UNC80: variants seen among roughly 807,000 people sequenced by gnomAD.
The protein encoded by UNC80 is unc-80 subunit of NALCN channel complex.
A neutral mutation model predicts 384.6 loss-of-function variants in UNC80; 164 were observed. That is an observed-to-expected ratio of 0.43 (90% confidence interval 0.38 to 0.49). UNC80 has a LOEUF of 0.49. Among genes scored for constraint, UNC80 ranks in the 20% least tolerant of loss-of-function variants. UNC80 has a pLI of 0.00. For synonymous variants in UNC80, 1,486 were observed against 1,527.8 expected (o/e 0.97, Z 0.64); for missense variants, 3,330 against 4,143.0 (o/e 0.80, Z 5.39).
At chr2:209,931,184 G>A (rs1575057318) in intron 38 of UNC80, 130 bp downstream of exon 38, 1 of 602,010 alleles carries the variant, frequency 1.7e-6, no homozygotes, top group Non-Finnish European at 2.8e-6. Context: ...ATTCTGTGTA[G>A]GGAAGCCCCT....
At chr2:209,833,277 A>C (rs1462264501) in intron 16 of UNC80, among the ~76,000 whole-genome samples, 1 of 53,058 alleles carries the variant, frequency 1.9e-5, no homozygotes, top group East Asian at 3.3e-4. Context: ...TTCCTAAGGC[A>C]AAAAAAAAAA....
At chr2:209,926,132 C>T (rs1433665668) in intron 35 of UNC80, among the ~76,000 whole-genome samples, 1 of 152,132 alleles carries the variant, frequency 6.6e-6, no homozygotes, top group African/African-American at 2.4e-5. Flanking sequence ...TCATTCTTAT[C>T]CTAAATGCAT....
At chr2:209,972,714 TTTTCATTACTC>T (rs1553619864) in intron 55 of UNC80, among the ~76,000 whole-genome samples, 6 of 152,230 alleles carry the variant, frequency 3.9e-5, no homozygotes, top group Non-Finnish European at 5.9e-5. Flanking sequence ...TTCCAATGTA[TTTTCATTACTC>T]TTTCTTCTTA....
intron 51 of UNC80, among the ~76,000 whole-genome samples, chr2:209,963,892 A>C (rs543901985): frequency 6.6e-6 from 1 of 152,334 alleles, no homozygotes; most frequent in African/African-American, 2.4e-5. Context: ...ATGAAAGGGA[A>C]TTTGGAGGCC....
In UNC80 at chr2:209,849,496, G is replaced by A. The variant is rs936879203; in HGVS notation, c.3500G>A (p.Gly1167Glu). 6.4e-7 allele frequency: 1 copy of A among 1,551,008 alleles called. No individual in the cohort carries two copies. Among genetic ancestry groups the A allele is most frequent in the Non-Finnish European group, 8.7e-7 (1 of 1,146,512 alleles). Residue 1167 changes from glycine (G) to glutamate (E), a missense_variant, in exon 22 of 65, where the codon GGA becomes GAA. Physicochemically the swap from Gly to Glu is moderately conservative, Grantham distance 98 (BLOSUM62 -2). Around this residue, in one of 8 missense-constraint regions of UNC80, gnomAD observed 801 missense variants for 950.8 expected, o/e 0.84. Coordinates refer to ENST00000673920, the MANE Select transcript of UNC80 (RefSeq NM_001371986.1). ...DDHLSPNQDG[G>E]KSKNVVNLGA... The stretch of plus-strand genomic sequence containing the variant: ...CATCTCTCTCCCAACCAAGATGGTG[G>A]AAAAAGCAAAAACGTGGTGAATCTT...
intron 61 of UNC80, among the ~76,000 whole-genome samples, chr2:209,990,952 G>A (rs968850634): frequency 6.6e-6 from 1 of 152,218 alleles, no homozygotes; most frequent in Non-Finnish European, 1.5e-5. Flanking sequence ...TAGTGGAAGT[G>A]TAAGACTTTT....
chr2:209,896,191 T>C (rs2086781968), intron 27 of UNC80, 122 bp from the exon 28 acceptor site: 2 of 814,284 alleles, frequency 2.5e-6, no homozygotes, highest in South Asian at 1.5e-5. Context: ...TGCTATGCCC[T>C]GTAACCCACT....
Position 209,982,225 on chromosome 2 carries a change from C to T in UNC80, c.9165C>T (p.Tyr3055=). The change falls in exon 60 of 65, where the codon TAC becomes TAT. Residue 3055 remains tyrosine (Y), a synonymous_variant. Transcript: ENST00000673920. ...MPSVVSEQEA[Y]LLSAIGRRRF... ...GCGTGGTAAGTGAACAAGAAGCTTA[C>T]CTCCTGAGTGCCATTGGAAGGAGGC... The T allele has an allele frequency of 6.4e-7, 1 of 1,551,610 alleles. No individual in the cohort carries two copies. Among genetic ancestry groups the T allele is most frequent in the South Asian group, 1.2e-5 (1 of 84,046 alleles).
At chr2:209,906,165 A>G (rs924326260) in intron 29 of UNC80, among the ~76,000 whole-genome samples, 10 of 152,170 alleles carry the variant, frequency 6.6e-5, no homozygotes, top group African/African-American at 2.2e-4. Flanking sequence ...TACATCAAAC[A>G]ATGAGAGAAC....
At chr2:209,980,840 T>C (rs1417123809) in intron 59 of UNC80, among the ~76,000 whole-genome samples, 3 of 152,226 alleles carry the variant, frequency 2.0e-5, no homozygotes, top group Non-Finnish European at 4.4e-5. Context: ...TGTTAAGTGA[T>C]ATGTGAATAC....
At chr2:209,918,746 C>A in intron 33 of UNC80, 83 bp downstream of exon 33, 2 of 1,371,670 alleles carry the variant, frequency 1.5e-6, no homozygotes, top group Non-Finnish European at 1.9e-6. Context: ...TCATTCTCAT[C>A]ATAAGAATGT....
intron 28 of UNC80, among the ~76,000 whole-genome samples, chr2:209,901,442 G>C (rs1258670077): frequency 6.6e-6 from 1 of 151,874 alleles, no homozygotes; most frequent in Non-Finnish European, 1.5e-5. Context: ...GAGATCTACT[G>C]TTCAGGAAAA....
chr2:209,901,689 G>C (rs2087423384), intron 28 of UNC80, among the ~76,000 whole-genome samples: 1 of 152,164 alleles, frequency 6.6e-6, no homozygotes, highest in Non-Finnish European at 1.5e-5. Flanking sequence ...CACTTTGGGA[G>C]GCCGAGACAG....
intron 21 of UNC80, among the ~76,000 whole-genome samples, chr2:209,846,500 A>G (rs1448704524): frequency 6.6e-6 from 1 of 152,080 alleles, no homozygotes; most frequent in Non-Finnish European, 1.5e-5. Flanking sequence ...AGGAAATACT[A>G]GATTTCATAT....
At chr2:209,918,054 A>G (rs1259622351) in intron 32 of UNC80, 96 bp downstream of exon 32, 7 of 1,189,998 alleles carry the variant, frequency 5.9e-6, no homozygotes, top group Non-Finnish European at 8.2e-6. Flanking sequence ...GTGGCCAAAG[A>G]TATTCTTCTT....
At chr2:209,866,486 A>ACCCCC (rs67328888) in intron 22 of UNC80, among the ~76,000 whole-genome samples, 20 of 111,800 alleles carry the variant, frequency 1.8e-4, no homozygotes, top group African/African-American at 7.0e-4. Context: ...TACAAAATGC[A>ACCCCC]CCCCCACACA....
chr2:209,898,341 T>A (rs2087015455), intron 28 of UNC80, among the ~76,000 whole-genome samples: 1 of 152,158 alleles, frequency 6.6e-6, no homozygotes, highest in Non-Finnish European at 1.5e-5. Context: ...CTAACATGAA[T>A]TTAAAGCTAT....
At chr2:209,921,840 G>A (rs2090061116) in intron 34 of UNC80, among the ~76,000 whole-genome samples, 154 bp downstream of exon 34, 1 of 152,186 alleles carries the variant, frequency 6.6e-6, no homozygotes, top group African/African-American at 2.4e-5. Context: ...GAGAAAAGTT[G>A]TTTTCTGAAG....
intron 60 of UNC80, chr2:209,982,642 G>T: frequency 4.9e-6 from 1 of 203,024 alleles, no homozygotes; most frequent in Non-Finnish European, 1.0e-5. Flanking sequence ...TGGGTACTTG[G>T]CAAGAGTTTG....
Sources: gnomAD v4.1 joint callset for allele counts (sites outside exome capture counted in the v4.1 genomes callset) on GRCh38, gnomAD v4.1.1 for gene constraint, gnomAD v4.1.1 regional missense constraint, MANE v1.5 for transcripts, NCBI Gene and HGNC (gene_info 2026-07-23, HGNC 2026-07-21) for gene names.